Variants in CATSPER3 observed in about 807,000 individuals in gnomAD.
CATSPER3 encodes the protein cation channel sperm associated 3.
A neutral mutation model predicts 36.6 loss-of-function variants in CATSPER3; 23 were observed. That is an observed-to-expected ratio of 0.63 (90% CI 0.45 to 0.89). The LOEUF (loss-of-function observed/expected upper bound fraction) is 0.89. CATSPER3 is among the 40% of genes least tolerant of loss of function. The pLI is 0.00. For synonymous variants in CATSPER3, 172 were observed against 184.1 expected, an observed-to-expected ratio of 0.93 and a Z score of 0.53; for missense variants, 474 against 503.9, an observed-to-expected ratio of 0.94 and a Z score of 0.57.
intron 2 of CATSPER3, among the ~76,000 whole-genome samples, chr5:134,971,889 C>A (rs1751611836): frequency 6.6e-6 from 1 of 152,156 alleles, no homozygotes; most frequent in Non-Finnish European, 1.5e-5. Flanking sequence ...CGTTTTTAAA[C>A]ACAACACAAA....
chr5:134,974,903 C>G (rs997215777), intron 2 of CATSPER3, among the ~76,000 whole-genome samples: 2 of 152,098 alleles, frequency 1.3e-5, no homozygotes, highest in Admixed American at 1.3e-4. Flanking sequence ...AGCCTAAACC[C>G]TCTGTTTGCC....
chr5:135,006,061 A>G (rs187583744), intron 3 of CATSPER3, among the ~76,000 whole-genome samples: 4 of 152,270 alleles, frequency 2.6e-5, no homozygotes, highest in Admixed American at 2.0e-4. Flanking sequence ...CACACATCCA[A>G]TGGGGGCCAG....
At chr5:134,971,907 G>A (rs531591230) in intron 2 of CATSPER3, among the ~76,000 whole-genome samples, 1 of 152,162 alleles carries the variant, frequency 6.6e-6, no homozygotes, top group Non-Finnish European at 1.5e-5. Context: ...AAAAGCAGAA[G>A]AATGAGCTCA....
rs201372894 is a variant in CATSPER3 at position 135,008,858 on chromosome 5, C to T, written c.693C>T (p.Asp231=). 46 of 1,614,118 alleles carry T rather than the reference C, an allele frequency of 2.8e-5. No individual in the cohort carries two copies. In the African/African-American group the frequency reaches 5.6e-4, roughly 20 times the overall value. Residue 231 remains aspartate (D), a synonymous_variant, in exon 5 of 8, where the codon GAC becomes GAT. Coordinates refer to ENST00000282611, the MANE Select transcript of CATSPER3 (RefSeq NM_178019.3). ...FSLATVDGWT[D]LQKQLDNREF... Reference sequence around the variant, plus strand: ...CTGAGCAGGTTGATGGCTGGACAGACCTGCAGAAGCAGTTGGACAATCGGG... The same window carrying T: ...CTGAGCAGGTTGATGGCTGGACAGATCTGCAGAAGCAGTTGGACAATCGGG...
At chr5:134,991,593 C>T (rs1192194351) in intron 2 of CATSPER3, among the ~76,000 whole-genome samples, 1 of 152,132 alleles carries the variant, frequency 6.6e-6, no homozygotes, top group Non-Finnish European at 1.5e-5. Flanking sequence ...TTGGTATTCA[C>T]ATGCAAAAGA....
In CATSPER3 at chr5:135,008,848, G is replaced by T. The variant is rs761108797; in HGVS notation, c.683G>T (p.Gly228Val). 1.2e-6 allele frequency: 2 copies of T among 1,614,104 alleles called. No individual in the cohort carries two copies. The highest frequency in any genetic ancestry group is 1.7e-6 in the Non-Finnish European group (2 of 1,179,990). The change falls in exon 5 of 8, where the codon GGC (glycine) becomes GTC (valine). Residue 228 changes from glycine to valine, a missense_variant. By Grantham distance (109) the Gly-to-Val change is moderately radical. Coordinates refer to ENST00000282611, the MANE Select transcript of CATSPER3 (RefSeq NM_178019.3). ...TCTTCCCTGCCTGAGCAGGTTGATG[G>T]CTGGACAGACCTGCAGAAGCAGTTG... ...FTLFSLATVD[G>V]WTDLQKQLDN...
At chr5:135,004,387 C>T (rs1752058471) in intron 3 of CATSPER3, among the ~76,000 whole-genome samples, 1 of 152,146 alleles carries the variant, frequency 6.6e-6, no homozygotes, top group Non-Finnish European at 1.5e-5. Flanking sequence ...GAGGGTGGCT[C>T]CCCATTTTCA....
intron 3 of CATSPER3, among the ~76,000 whole-genome samples, chr5:134,998,122 A>G (rs149637068): frequency 0.13 from 19,077 of 151,762 alleles, 3,435 homozygotes; most frequent in African/African-American, 0.4. Flanking sequence ...TCCTGGGTCT[A>G]AGTGTTCTCA....
intron 2 of CATSPER3, among the ~76,000 whole-genome samples, chr5:134,994,708 A>G (rs982532475): frequency 6.6e-6 from 1 of 152,214 alleles, no homozygotes; most frequent in Non-Finnish European, 1.5e-5. Flanking sequence ...CCTACAAGGC[A>G]TGACAGTTTG....
intron 2 of CATSPER3, among the ~76,000 whole-genome samples, chr5:134,992,231 C>T (rs1561461388): frequency 6.6e-6 from 1 of 151,776 alleles, no homozygotes; most frequent in African/African-American, 2.4e-5. Context: ...TTCTACAATT[C>T]AACAACAGCA....
At chr5:135,002,237 G>T (rs1014934401) in intron 3 of CATSPER3, among the ~76,000 whole-genome samples, 2 of 152,200 alleles carry the variant, frequency 1.3e-5, no homozygotes, top group Non-Finnish European at 2.9e-5. Flanking sequence ...AGTTTGGCTG[G>T]ATATGAAATT....
chr5:134,983,436 A>G (rs75802704), intron 2 of CATSPER3, among the ~76,000 whole-genome samples: 5,749 of 152,168 alleles, frequency 0.038, 351 homozygotes, highest in African/African-American at 0.13. Flanking sequence ...CCAGGAGGCT[A>G]AGGCATGAGA....
chr5:134,971,305 C>T (rs755093707), intron 2 of CATSPER3, among the ~76,000 whole-genome samples: 6 of 152,006 alleles, frequency 3.9e-5, no homozygotes, highest in Non-Finnish European at 7.4e-5. Flanking sequence ...CCTTGAGTCC[C>T]AGCTACTCTA....
Position 134,996,426 on chromosome 5 carries a change from G to T in CATSPER3, c.406G>T (p.Gly136Cys), listed in dbSNP as rs139923612. The T allele has an allele frequency of 8.1e-6, 13 of 1,614,078 alleles. No homozygotes were observed. Among genetic ancestry groups the T allele is most frequent in the Non-Finnish European group, 1.0e-5 (12 of 1,180,024 alleles). The stretch of plus-strand genomic sequence containing the variant: ...ACCCTATGCCCTCCGCCAGCTCATG[G>T]GCAAACAGTTCACTTACCTGTATAT... ...FLPYALRQLMGKQFTYLYIAD... is the reference protein window; with the variant it reads ...FLPYALRQLMCKQFTYLYIAD... Residue 136 changes from glycine to cysteine, a missense_variant, in exon 3 of 8, where the codon GGC becomes TGC. Coordinates refer to ENST00000282611, the MANE Select transcript of CATSPER3 (RefSeq NM_178019.3).
chr5:135,005,521 C>A (rs1752075213), intron 3 of CATSPER3, among the ~76,000 whole-genome samples: 1 of 152,104 alleles, frequency 6.6e-6, no homozygotes. Flanking sequence ...TGAATGTTGG[C>A]TGGCCTGCTG....
intron 3 of CATSPER3, among the ~76,000 whole-genome samples, chr5:135,006,994 C>G (rs1315418720): frequency 6.6e-6 from 1 of 152,154 alleles, no homozygotes; most frequent in East Asian, 1.9e-4. Flanking sequence ...TGGAGGGCAG[C>G]CCAGGGCTCT....
intron 3 of CATSPER3, among the ~76,000 whole-genome samples, chr5:135,002,581 CT>C (rs1752034572): frequency 6.6e-6 from 1 of 152,216 alleles, no homozygotes; most frequent in Non-Finnish European, 1.5e-5. Context: ...TCCATTCTCC[CT>C]GTCACTTTCA....
chr5:135,003,526 G>A (rs1197485048), intron 3 of CATSPER3, among the ~76,000 whole-genome samples: 2 of 152,228 alleles, frequency 1.3e-5, no homozygotes, highest in Non-Finnish European at 1.5e-5. Flanking sequence ...GCTGCCTTTT[G>A]TTCAGCTATG....
At chr5:135,000,582 C>T (rs1337678097) in intron 3 of CATSPER3, among the ~76,000 whole-genome samples, 3 of 152,066 alleles carry the variant, frequency 2.0e-5, no homozygotes, top group Non-Finnish European at 4.4e-5. Context: ...CTATTAATTA[C>T]TGCCTCAATT....
Sources: gnomAD v4.1 joint callset for allele counts (sites outside exome capture counted in the v4.1 genomes callset) on GRCh38, gnomAD v4.1.1 for gene constraint, MANE v1.5 for transcripts, NCBI Gene and HGNC (gene_info 2026-07-23, HGNC 2026-07-21) for gene names.